PRIM2: variants seen among roughly 807,000 people sequenced by gnomAD.
PRIM2 encodes the protein DNA primase large subunit.
Under a neutral mutation model 67.3 loss-of-function variants are expected in PRIM2, and 39 were observed. That is an observed-to-expected ratio of 0.58 (90% confidence interval 0.45 to 0.76). The LOEUF is 0.76. Ranked by LOEUF, PRIM2 falls within the 30% of genes least tolerant of loss-of-function variation. PRIM2 has a pLI of 0.00. For missense variants in PRIM2, 398 were observed against 598.7 expected (o/e 0.66, Z 3.50); for synonymous variants, 143 against 198.7 (o/e 0.72, Z 2.36).
At chr6:57,313,690 G>C (rs1767428418), upstream of PRIM2, among the ~76,000 whole-genome samples, 2 of 152,124 alleles carry the variant, frequency 1.3e-5, no homozygotes. Flanking sequence ...AGCTTTTATG[G>C]GTCAGCTATC....
At chr6:57,240,037 G>A in the PRIM2 span, among the ~76,000 whole-genome samples, 4 of 149,314 alleles carry the variant, frequency 2.7e-5, no homozygotes, top group African/African-American at 4.9e-5. Flanking sequence ...CTCCAAAGAA[G>A]AGATATAAAT....
intron 8 of PRIM2, among the ~76,000 whole-genome samples, chr6:57,518,857 G>A (rs1275225912): frequency 6.6e-6 from 1 of 152,206 alleles, no homozygotes; most frequent in Admixed American, 6.5e-5. Context: ...GACCTCAGAA[G>A]TGCTCCCTCT....
chr6:57,454,334 A>G (rs184784615), intron 7 of PRIM2, among the ~76,000 whole-genome samples: 4 of 152,182 alleles, frequency 2.6e-5, no homozygotes, highest in Admixed American at 6.5e-5. Context: ...CTCTTTTTCT[A>G]TTGATTGGAA....
chr6:57,603,622 C>G (rs1276727807), intron 11 of PRIM2, among the ~76,000 whole-genome samples: 1 of 151,900 alleles, frequency 6.6e-6, no homozygotes, highest in Non-Finnish European at 1.5e-5. Flanking sequence ...AGTGATGCCT[C>G]TGGCTTTGTT....
intron 7 of PRIM2, among the ~76,000 whole-genome samples, chr6:57,402,869 C>A (rs564025598): frequency 2.6e-5 from 4 of 152,178 alleles, no homozygotes; most frequent in African/African-American, 4.8e-5. Flanking sequence ...TTAGTAATTT[C>A]TTTCCCCACC....
chr6:57,430,256 A>G (rs1312808250), intron 7 of PRIM2, among the ~76,000 whole-genome samples: 1 of 152,150 alleles, frequency 6.6e-6, no homozygotes, highest in African/African-American at 2.4e-5. Context: ...CTGTTAAAAT[A>G]TATGAATGTT....
chr6:57,432,927 T>C (rs1167266736), intron 7 of PRIM2, among the ~76,000 whole-genome samples: 4 of 152,228 alleles, frequency 2.6e-5, no homozygotes, highest in Admixed American at 2.6e-4. Context: ...GACTTTTAGT[T>C]CACAATACAA....
the PRIM2 span, among the ~76,000 whole-genome samples, chr6:57,274,430 G>T: frequency 1.6e-4 from 24 of 152,252 alleles, no homozygotes; most frequent in Admixed American, 1.1e-3. Context: ...TCTGAGCCAG[G>T]TGTGGGACAT....
intron 8 of PRIM2, among the ~76,000 whole-genome samples, chr6:57,516,455 A>G (rs1774489674): frequency 6.6e-6 from 1 of 152,186 alleles, no homozygotes; most frequent in South Asian, 2.1e-4. Flanking sequence ...TAGTTAATTT[A>G]CTTTACTAGT....
At chr6:57,233,286 T>C in the PRIM2 span, among the ~76,000 whole-genome samples, 2 of 152,240 alleles carry the variant, frequency 1.3e-5, no homozygotes, top group South Asian at 4.1e-4. Context: ...AAGAATTATA[T>C]TTTCATTTAT....
upstream of PRIM2, among the ~76,000 whole-genome samples, chr6:57,313,070 T>C (rs1347633145): frequency 3.3e-5 from 5 of 152,204 alleles, no homozygotes; most frequent in East Asian, 1.9e-4. Flanking sequence ...ACCAATATTG[T>C]AATGTCTTAA....
At chr6:57,406,800 A>G (rs1427225113) in intron 7 of PRIM2, among the ~76,000 whole-genome samples, 1 of 152,214 alleles carries the variant, frequency 6.6e-6, no homozygotes, top group Admixed American at 6.5e-5. Flanking sequence ...ACATTTTAAA[A>G]GAGAGACCTA....
At chr6:57,436,668 CATT>C (rs1772023220) in intron 7 of PRIM2, among the ~76,000 whole-genome samples, 1 of 152,186 alleles carries the variant, frequency 6.6e-6, no homozygotes, top group African/African-American at 2.4e-5. Flanking sequence ...CTAGTTAGTG[CATT>C]TCATGTAAAG....
At chr6:57,414,118 T>G (rs1262654012) in intron 7 of PRIM2, among the ~76,000 whole-genome samples, 1 of 152,092 alleles carries the variant, frequency 6.6e-6, no homozygotes, top group African/African-American at 2.4e-5. Flanking sequence ...GAAGTTCTGT[T>G]GAGATCTGCT....
At chr6:57,223,084 A>G in the PRIM2 span, among the ~76,000 whole-genome samples, 2 of 152,370 alleles carry the variant, frequency 1.3e-5, no homozygotes, top group South Asian at 4.1e-4. Flanking sequence ...ATGAAATTAC[A>G]CAGAGTTCAT....
At chr6:57,296,269 T>C in the PRIM2 span, among the ~76,000 whole-genome samples, 4 of 151,212 alleles carry the variant, frequency 2.6e-5, no homozygotes, top group African/African-American at 9.7e-5. Context: ...ACAAATATTG[T>C]ACTTTAGCTA....
chr6:57,464,402 C>CAAGT (rs1773118975), intron 7 of PRIM2, among the ~76,000 whole-genome samples: 1 of 152,008 alleles, frequency 6.6e-6, no homozygotes, highest in South Asian at 2.1e-4. Context: ...CTCAGCCTCC[C>CAAGT]AAGTAGCTGG....
the PRIM2 span, among the ~76,000 whole-genome samples, chr6:57,240,091 G>GTTTT: frequency 6.7e-5 from 6 of 90,012 alleles, no homozygotes; most frequent in African/African-American, 2.2e-4. Context: ...TCAATAATCT[G>GTTTT]TTTTTTTTTT....
chr6:57,399,505 GTGCATA>G (rs997411063), intron 7 of PRIM2, among the ~76,000 whole-genome samples: 2 of 152,142 alleles, frequency 1.3e-5, no homozygotes, highest in Admixed American at 6.5e-5. Context: ...AAACACACGT[GTGCATA>G]TGTCTTTATA....
Sources: allele counts gnomAD v4.1 joint callset (sites outside exome capture counted in the v4.1 genomes callset), GRCh38; gene constraint gnomAD v4.1.1; transcripts MANE v1.5; gene names NCBI Gene and HGNC (gene_info 2026-07-23, HGNC 2026-07-21).